The following CCDC163 variants were observed in gnomAD, a reference collection of about 807,000 sequenced individuals.
CCDC163 encodes CCDC163 homolog.
A neutral mutation model predicts 8.2 loss-of-function variants in CCDC163; 13 were observed. The observed-to-expected ratio is 1.59, with a 90% CI of 1.04 to 2.54. CCDC163 has a LOEUF of 2.54. Among genes scored for constraint, CCDC163 ranks in the 30% most tolerant of loss-of-function variants. The pLI, the probability that CCDC163 is intolerant of heterozygous loss-of-function variation, is 0.00. For missense variants in CCDC163, 117 were observed against 78.6 expected (o/e 1.49, Z -1.85); for synonymous variants, 41 against 30.9 (o/e 1.33, Z -1.08).
intron 4 of CCDC163, chr1:45,495,653 CTCTTTTTTTTTT>C (rs1285701393): frequency 9.3e-5 from 53 of 572,720 alleles, no homozygotes; most frequent in Non-Finnish European, 9.2e-6. Flanking sequence ...GGTCTCCTCC[CTCTTTTTTTTTT>C]TTTTTTTTTT....
In CCDC163 at chr1:45,497,357, C is replaced by A. The variant is rs1654250929; in HGVS notation, c.204G>T (p.Val68=). 2.6e-6 allele frequency: 2 copies of A among 780,030 alleles called. No homozygotes were observed. The highest frequency in any genetic ancestry group is 4.9e-5 in the East Asian group (2 of 41,190). The allele number at this position is 780,030 out of a possible 1,614,324, so 48.3% of individuals were successfully genotyped here. ...GCATAATCTCTGACTCCTCCCACAG[C>A]ACTGCAGGAGTGACAGCAGTGCTAT... The part of the protein sequence containing the change: ...PQNSTAVTPA[V]LWEESEIMQK... Residue 68 remains valine, a synonymous_variant, in exon 3 of 5, where the codon GTG becomes GTT. Coordinates refer to ENST00000629482, the MANE Select transcript of CCDC163 (RefSeq NM_001102601.3).
chr1:45,497,906 C>T (rs1354732662), intron 2 of CCDC163, among the ~76,000 whole-genome samples: 2 of 146,730 alleles, frequency 1.4e-5, no homozygotes, highest in East Asian at 2.1e-4. Flanking sequence ...GAGAACGGGC[C>T]AGGATGACAA....
Position 45,499,710 on chromosome 1 carries a change from T to TGGGG in CCDC163, c.-102_-101insCCCC. On this transcript the variant is annotated 5_prime_UTR_variant, in exon 1 of 5. Transcript: ENST00000629482. ...GGTATCCCCAGGAAAGGCCACCACGTTAGATGGAAAGAGGGAAGTGGGGAT... is the reference window on the plus strand; with the variant it reads ...GGTATCCCCAGGAAAGGCCACCACGTGGGGTAGATGGAAAGAGGGAAGTGGGGAT... The TGGGG allele has an allele frequency of 1.5e-6, 1 of 675,938 alleles. No homozygotes were observed. The highest frequency in any genetic ancestry group is 2.7e-6 in the Non-Finnish European group (1 of 366,922). 41.9% of individuals were successfully genotyped at this position (675,938 alleles called of 1,614,324 possible).
intron 3 of CCDC163, among the ~76,000 whole-genome samples, chr1:45,496,860 A>G (rs1485785582): frequency 6.6e-6 from 1 of 152,222 alleles, no homozygotes; most frequent in Non-Finnish European, 1.5e-5. Context: ...ACTTAATGGG[A>G]GAGCAAGAAG....
intron 2 of CCDC163, among the ~76,000 whole-genome samples, chr1:45,497,819 G>A (rs1025769721): frequency 2.1e-5 from 3 of 145,476 alleles, no homozygotes; most frequent in African/African-American, 5.1e-5. Flanking sequence ...GCCTCTGCCC[G>A]GCCACCCCTA....
chr1:45,499,560 G>T lies in CCDC163; in HGVS notation c.50C>A (p.Ala17Asp), dbSNP rs1203157038. 1.3e-6 allele frequency: 1 copy of T among 778,684 alleles called. No individual in the cohort carries two copies. The highest frequency in any genetic ancestry group is 1.7e-5 in the African/African-American group (1 of 59,088). 48.2% of individuals were successfully genotyped at this position (778,684 alleles called of 1,614,324 possible). ...WFEQLDVLLN[A>D]TDGNVVRNKQ... is the part of the protein sequence containing the mutation. ...ATTCCGGACCACATTTCCATCAGTA[G>T]CGTTGAGAAGCACATCCAGCTGCTC... Residue 17 changes from alanine to aspartate, a missense_variant, in exon 1 of 5, where the codon GCT becomes GAT. Transcript: ENST00000629482.
At chr1:45,496,465 T>G (rs41302744) in intron 4 of CCDC163, 91 bp downstream of exon 4, 1 of 719,782 alleles carries the variant, frequency 1.4e-6, no homozygotes. Flanking sequence ...CAGGAGAGGG[T>G]ATCCTGGCCT....
chr1:45,496,523 A>T (rs778788553), intron 4 of CCDC163, 33 bp downstream of exon 4: 1 of 777,850 alleles, frequency 1.3e-6, no homozygotes, highest in South Asian at 1.4e-5. Flanking sequence ...TCCATAGAGA[A>T]ATATGCAGAG....
In CCDC163 at chr1:45,497,297, A is replaced by T; in HGVS notation, c.262+2T>A. 1 of 778,542 alleles carries T rather than the reference A, an allele frequency of 1.3e-6. No individual in the cohort carries two copies. Among genetic ancestry groups the T allele is most frequent in the Non-Finnish European group, 2.4e-6 (1 of 416,420 alleles). 48.2% of individuals were successfully genotyped at this position (778,542 alleles called of 1,614,324 possible). A position where few individuals can be genotyped will look rare whatever the true frequency, so the allele number is the denominator to read the frequency against. On this transcript the variant is annotated splice_donor_variant, in intron 3 of 4. Coordinates refer to ENST00000629482, the MANE Select transcript of CCDC163 (RefSeq NM_001102601.3). LOFTEE classifies it high-confidence loss of function. ...ATTCGCCCCCAACCACCTTTTACTT[A>T]CTCAACTGGTACTGCAGCAACTTCA...
chr1:45,495,909 C>G (rs1041814002), intron 4 of CCDC163, among the ~76,000 whole-genome samples: 2 of 152,086 alleles, frequency 1.3e-5, no homozygotes, highest in South Asian at 4.1e-4. Flanking sequence ...CCGCCCACCT[C>G]GGCCTCCCAA....
chr1:45,496,767 T>C, intron 3 of CCDC163, 144 bp from the exon 4 acceptor site: 1 of 624,548 alleles, frequency 1.6e-6, no homozygotes, highest in Non-Finnish European at 2.9e-6. Flanking sequence ...CTGAAGAGAT[T>C]AAACTCACAC....
chr1:45,498,203 A>G (rs1434627858), intron 2 of CCDC163, among the ~76,000 whole-genome samples: 1 of 151,874 alleles, frequency 6.6e-6, no homozygotes, highest in Non-Finnish European at 1.5e-5. Flanking sequence ...AAGAGTCATC[A>G]CCACTCCCTA....
At chr1:45,498,081 C>A (rs1643407402) in intron 2 of CCDC163, among the ~76,000 whole-genome samples, 1 of 150,682 alleles carries the variant, frequency 6.6e-6, no homozygotes, top group Non-Finnish European at 1.5e-5. Flanking sequence ...GTGACCTTAC[C>A]CCCAACCCTG....
chr1:45,497,648 C>A (rs1439093027), intron 2 of CCDC163, among the ~76,000 whole-genome samples: 5 of 96,622 alleles, frequency 5.2e-5, no homozygotes, highest in East Asian at 2.5e-4. Context: ...CCGGCCGCCA[C>A]CCCGTCTGGG....
At chr1:45,499,065 C>T (rs994600356) in intron 2 of CCDC163, among the ~76,000 whole-genome samples, 3 of 152,198 alleles carry the variant, frequency 2.0e-5, no homozygotes, top group Non-Finnish European at 4.4e-5. Flanking sequence ...GGCTCTAGGA[C>T]TCAGGGCAGC....
intron 2 of CCDC163, 77 bp from the exon 3 acceptor site, chr1:45,497,460 AT>A: frequency 1.4e-6 from 1 of 698,524 alleles, no homozygotes; most frequent in Non-Finnish European, 2.7e-6. Context: ...AGAGAGGATG[AT>A]CCCCAACTTG....
chr1:45,495,511 G>C (rs1654038267), intron 4 of CCDC163: 2 of 702,796 alleles, frequency 2.8e-6, no homozygotes, highest in South Asian at 3.0e-5. Flanking sequence ...GTAGTGGGCA[G>C]AGGCAGCTTA....
Position 45,494,702 on chromosome 1 carries a change from A to G in CCDC163, c.*357T>C. 1 of 287,740 alleles carries G rather than the reference A, an allele frequency of 3.5e-6. No homozygotes were observed. Among genetic ancestry groups the G allele is most frequent in the Non-Finnish European group, 6.8e-6 (1 of 146,228 alleles). 17.8% of individuals were successfully genotyped at this position (287,740 alleles called of 1,614,324 possible). A position where few individuals can be genotyped will look rare whatever the true frequency, so the allele number is the denominator to read the frequency against. ...CTGGGCATGGTGGCTCACAACTGTAATCCCAGCACTTTGGGAGGGCGAGGC... is the reference window on the plus strand; with the variant it reads ...CTGGGCATGGTGGCTCACAACTGTAGTCCCAGCACTTTGGGAGGGCGAGGC... On this transcript the variant is annotated 3_prime_UTR_variant, in exon 5 of 5. Coordinates refer to ENST00000629482, the MANE Select transcript of CCDC163 (RefSeq NM_001102601.3).
At chr1:45,497,596 GCCTGCCTTGGCCT>G (rs1654281726) in intron 2 of CCDC163, among the ~76,000 whole-genome samples, 1 of 133,562 alleles carries the variant, frequency 7.5e-6, no homozygotes, top group Admixed American at 8.1e-5. Context: ...CCTCCCAGCC[GCCTGCCTTGGCCT>G]CCCAAAGTGC....
Sources: gnomAD v4.1 joint callset for allele counts (sites outside exome capture counted in the v4.1 genomes callset) on GRCh38, gnomAD v4.1.1 for gene constraint, MANE v1.5 for transcripts, NCBI Gene and HGNC (gene_info 2026-07-23, HGNC 2026-07-21) for gene names.